Variants in WIF1 observed in about 807,000 individuals in gnomAD.
WIF1 encodes the protein Wnt inhibitory factor 1.
WIF1 carries 35 observed loss-of-function variants against 53.5 expected under a neutral mutation model. The observed-to-expected ratio is 0.65, with a 90% CI of 0.50 to 0.87. WIF1 has a LOEUF of 0.87. Ranked by LOEUF, WIF1 falls within the 40% of genes least tolerant of loss-of-function variation. WIF1 has a pLI of 0.00. For synonymous variants in WIF1, 171 were observed against 170.4 expected (o/e 1.00, Z -0.03); for missense variants, 467 against 476.8 (o/e 0.98, Z 0.19).
intron 3 of WIF1, among the ~76,000 whole-genome samples, chr12:65,070,365 G>A (rs1193183671): frequency 1.3e-5 from 2 of 152,202 alleles, no homozygotes; most frequent in East Asian, 3.9e-4. Context: ...AAGTTCTAAA[G>A]TAAAATTGTC....
chr12:65,120,508 A>G lies in WIF1; in HGVS notation c.197T>C (p.Phe66Ser). ...TTGTGCTTTTCTGAAATCATGTGTAAAAGGTGCCATTTTCCCCTCTGAAAC... is the reference window on the plus strand; with the variant it reads ...TTGTGCTTTTCTGAAATCATGTGTAGAAGGTGCCATTTTCCCCTCTGAAAC... ...LIVSEGKMAPFTHDFRKAQQR... is the reference protein window; with the variant it reads ...LIVSEGKMAPSTHDFRKAQQR... Residue 66 changes from phenylalanine to serine, a missense_variant, in exon 2 of 10, where the codon TTT becomes TCT. By Grantham distance (155) the Phe-to-Ser change is radical (BLOSUM62 -2). Transcript: ENST00000286574. 2 of 1,614,086 alleles carry G rather than the reference A, an allele frequency of 1.2e-6. No homozygotes were observed. The highest frequency in any genetic ancestry group is 1.7e-6 in the Non-Finnish European group (2 of 1,180,004).
chr12:65,055,909 G>T, intron 8 of WIF1, 122 bp downstream of exon 8: 1 of 791,974 alleles, frequency 1.3e-6, no homozygotes. Flanking sequence ...ATATATGTCA[G>T]TGAAGAAAGG....
In WIF1 at chr12:65,068,889, A is replaced by G. The variant is rs758894616; in HGVS notation, c.413T>C (p.Phe138Ser). ...PHKASVVQVG[F>S]PCLGKQDGVA... ...CCCATCCTGTTTTCCAAGACATGGG[A>G]AACCAACTTGAACAACTAAAAGAAA... is the stretch of plus-strand genomic sequence containing the variant. Residue 138 changes from phenylalanine to serine, a missense_variant, in exon 4 of 10, where the codon TTC becomes TCC. Transcript: ENST00000286574. The G allele has an allele frequency of 1.2e-6, 2 of 1,613,106 alleles. No homozygotes were observed. Among genetic ancestry groups the G allele is most frequent in the African/African-American group, 1.3e-5 (1 of 74,878 alleles).
chr12:65,108,543 T>A (rs1433947819), intron 2 of WIF1, among the ~76,000 whole-genome samples: 1 of 152,202 alleles, frequency 6.6e-6, no homozygotes. Flanking sequence ...TACAACATCA[T>A]TATCCATGCA....
At chr12:65,059,819 T>A (rs1173807245) in intron 7 of WIF1, among the ~76,000 whole-genome samples, 2 of 152,100 alleles carry the variant, frequency 1.3e-5, no homozygotes, top group African/African-American at 4.8e-5. Flanking sequence ...GCCTGGCTAA[T>A]TTTTGTGTTT....
chr12:65,051,168 A>T lies in WIF1; in HGVS notation c.*181T>A. ...ACAAGAAAATCTATACCATCATGCT[A>T]CAGACGTACTTAGAAAACTTAAAAG... On this transcript the variant is annotated 3_prime_UTR_variant, in exon 10 of 10. Coordinates refer to ENST00000286574, the MANE Select transcript of WIF1 (RefSeq NM_007191.5). The T allele has an allele frequency of 1.5e-6, 1 of 680,124 alleles. No individual in the cohort carries two copies. Among genetic ancestry groups the T allele is most frequent in the Non-Finnish European group, 2.2e-6 (1 of 451,942 alleles). 42.1% of individuals were successfully genotyped at this position (680,124 alleles called of 1,614,324 possible). A position where few individuals can be genotyped will look rare whatever the true frequency, so the allele number is the denominator to read the frequency against.
intron 2 of WIF1, 110 bp from the exon 3 acceptor site, chr12:65,077,964 T>C: frequency 1.3e-6 from 1 of 790,640 alleles, no homozygotes; most frequent in Admixed American, 2.2e-5. Flanking sequence ...TTACAGGAAC[T>C]CTGGAGCACA....
At chr12:65,115,739 A>G (rs1883499163) in intron 2 of WIF1, among the ~76,000 whole-genome samples, 1 of 152,220 alleles carries the variant, frequency 6.6e-6, no homozygotes, top group African/African-American at 2.4e-5. Context: ...GAGTATCAGA[A>G]GGTTAAATGG....
rs377427557 is a variant in WIF1, at chr12:65,056,735, C to T, written c.827-609G>A. On this transcript the variant is annotated intron_variant, in intron 7 of 9. Transcript: ENST00000286574. ...CAGGATCTCGGCTCACTGCATCCTC[C>T]GCCTCCCAGGTTCAAGTGATTCTCC... 1.2e-4 allele frequency among the ~76,000 whole-genome samples: 18 copies of T among 151,974 alleles called. No homozygotes were observed. The East Asian group carries it at 1.4e-3, about 11-fold the overall frequency.
chr12:65,079,397 G>A (rs1454686132), intron 2 of WIF1, among the ~76,000 whole-genome samples: 1 of 151,876 alleles, frequency 6.6e-6, no homozygotes, highest in East Asian at 1.9e-4. Context: ...AAAATTCCAG[G>A]GTCAAATGGC....
intron 6 of WIF1, 96 bp downstream of exon 6, chr12:65,066,545 A>C: frequency 1.0e-6 from 1 of 977,096 alleles, no homozygotes. Context: ...ATACATTCTC[A>C]GAGCTGTTAT....
intron 2 of WIF1, among the ~76,000 whole-genome samples, chr12:65,084,395 A>G (rs929187346): frequency 1.3e-5 from 2 of 151,986 alleles, no homozygotes; most frequent in Non-Finnish European, 2.9e-5. Flanking sequence ...TTATCTTTTT[A>G]TCTCTCACTA....
chr12:65,116,341 A>C (rs1883508755), intron 2 of WIF1, among the ~76,000 whole-genome samples: 1 of 152,096 alleles, frequency 6.6e-6, no homozygotes, highest in African/African-American at 2.4e-5. Context: ...TTAGATCAGC[A>C]GCGGCATTAG....
chr12:65,093,800 G>A (rs1009455651), intron 2 of WIF1, among the ~76,000 whole-genome samples: 1 of 152,094 alleles, frequency 6.6e-6, no homozygotes, highest in African/African-American at 2.4e-5. Flanking sequence ...CTGGAACATC[G>A]TTAACTCATA....
chr12:65,091,018 A>G (rs1592397889), intron 2 of WIF1, among the ~76,000 whole-genome samples: 2 of 152,082 alleles, frequency 1.3e-5, no homozygotes, highest in African/African-American at 2.4e-5. Context: ...GGGGCTGTGA[A>G]AATAGTCCAA....
intron 2 of WIF1, among the ~76,000 whole-genome samples, chr12:65,097,686 C>A (rs1171785506): frequency 6.6e-6 from 1 of 152,066 alleles, no homozygotes; most frequent in Non-Finnish European, 1.5e-5. Flanking sequence ...CACTTTGTTT[C>A]AAAAAATCAA....
intron 2 of WIF1, chr12:65,083,714 C>T (rs1272336785): frequency 6.1e-6 from 2 of 329,874 alleles, no homozygotes; most frequent in African/African-American, 2.2e-5. Context: ...CTTCCAAAAT[C>T]AGCTTCCCCC....
At position 65,068,877 on chromosome 12, in the gene WIF1, C is replaced by T. The variant is rs1314943266; in HGVS notation, c.425G>A (p.Gly142Glu). 1 of 1,613,392 alleles carries T rather than the reference C, an allele frequency of 6.2e-7. No homozygotes were observed. The highest frequency in any genetic ancestry group is 8.5e-7 in the Non-Finnish European group (1 of 1,179,572). ...AAATGCTGCCACCCCATCCTGTTTT[C>T]CAAGACATGGGAAACCAACTTGAAC... ...SVVQVGFPCL[G>E]KQDGVAAFEV... Residue 142 changes from glycine to glutamate, a missense_variant, in exon 4 of 10, where the codon GGA (glycine) becomes GAA (glutamate). By Grantham distance (98) the Gly-to-Glu change is moderately conservative (BLOSUM62 -2). Coordinates refer to ENST00000286574, the MANE Select transcript of WIF1 (RefSeq NM_007191.5).
chr12:65,062,329 C>G, intron 7 of WIF1, 152 bp downstream of exon 7: 1 of 630,620 alleles, frequency 1.6e-6, no homozygotes, highest in Non-Finnish European at 2.6e-6. Flanking sequence ...TGCATGGTAG[C>G]TGAATCTAGC....
Sources: gnomAD v4.1 joint callset for allele counts (sites outside exome capture counted in the v4.1 genomes callset) on GRCh38, gnomAD v4.1.1 for gene constraint, MANE v1.5 for transcripts, NCBI Gene and HGNC (gene_info 2026-07-23, HGNC 2026-07-21) for gene names.